Variants in DPYD observed in about 807,000 individuals in gnomAD.
The protein encoded by DPYD is dihydropyrimidine dehydrogenase, also known as dihydropyrimidine dehydrogenase [NADP(+)].
Under a neutral mutation model 116.2 loss-of-function variants are expected in DPYD, and 109 were observed. The ratio of observed to expected loss-of-function variants is 0.94; its 90% CI spans 0.80 to 1.10. DPYD has a LOEUF of 1.10. Ranked by LOEUF, DPYD falls within the 50% of genes least tolerant of loss-of-function variation. The probability of loss-of-function intolerance (pLI) is 0.00; values close to 1 mark genes in which losing one functional copy is unlikely to be tolerated. For synonymous variants in DPYD, 440 were observed against 432.0 expected (o/e 1.02, Z -0.23); for missense variants, 1,302 against 1,254.5 (o/e 1.04, Z -0.57).
intron 5 of DPYD, among the ~76,000 whole-genome samples, chr1:97,718,766 T>C (rs149265002): frequency 4.0e-5 from 6 of 151,886 alleles, no homozygotes; most frequent in African/African-American, 7.2e-5. Flanking sequence ...TTTCCAACAA[T>C]TCATTAATTA....
At position 97,797,752 on chromosome 1, in the gene DPYD, A is replaced by G. The variant is rs566017212; in HGVS notation, c.233+30362T>C. 2.6e-5 allele frequency: 4 copies of G among 152,182 alleles called. No individual in the cohort carries two copies. In the East Asian group the frequency reaches 7.7e-4, roughly 29 times the overall value. 9.4% of individuals were successfully genotyped at this position (152,182 alleles called of 1,614,324 possible). A position where few individuals can be genotyped will look rare whatever the true frequency, so the allele number is the denominator to read the frequency against. On this transcript the variant is annotated intron_variant, in intron 3 of 22. Transcript: ENST00000370192. ...CTAAACCAAGCATCATGAGGCCAGC[A>G]CTATTTTGCCATTTTTCAGAAAAAA...
chr1:97,285,418 G>A (rs12024830), intron 18 of DPYD, among the ~76,000 whole-genome samples: 47,096 of 151,884 alleles, frequency 0.31, 7,666 homozygotes, highest in Non-Finnish European at 0.35. Context: ...TTATCTATTC[G>A]TAGTTTAGAA....
rs1408261121 is a variant in DPYD at position 97,374,798 on chromosome 1, G to A, written c.1975-1154C>T. On this transcript the variant is annotated intron_variant, in intron 15 of 22. Coordinates refer to ENST00000370192, the MANE Select transcript of DPYD (RefSeq NM_000110.4). ...TGGCTCACAACTGTAATCCTAGCAC[G>A]GTGGGAGGATTGCCTGAGCTTAGGA... Among the ~76,000 whole-genome samples the A allele has an allele frequency of 4.0e-5, 6 of 149,738 alleles. No homozygotes were observed. In the East Asian group the frequency reaches 5.9e-4, roughly 15 times the overall value.
intron 4 of DPYD, among the ~76,000 whole-genome samples, chr1:97,723,643 G>A (rs1024468806): frequency 6.6e-6 from 1 of 151,584 alleles, no homozygotes; most frequent in African/African-American, 2.4e-5. Flanking sequence ...TTAATCAAGA[G>A]ATTAGGATCT....
chr1:97,329,658 C>T (rs6686712), intron 16 of DPYD, among the ~76,000 whole-genome samples: 34,538 of 149,384 alleles, frequency 0.23, 4,173 homozygotes, highest in Non-Finnish European at 0.28. Context: ...GAAGCTGATG[C>T]AAGAGAATCT....
intron 8 of DPYD, among the ~76,000 whole-genome samples, chr1:97,595,434 A>G (rs545047571): frequency 1.1e-4 from 17 of 152,188 alleles, no homozygotes; most frequent in African/African-American, 3.6e-4. Context: ...ATATACACAC[A>G]TAAACATATA....
chr1:97,480,207 G>C (rs2101878348), intron 13 of DPYD, among the ~76,000 whole-genome samples: 1 of 152,014 alleles, frequency 6.6e-6, no homozygotes, highest in East Asian at 1.9e-4. Flanking sequence ...AACAATCTCT[G>C]GATGACTGGT....
At chr1:97,730,401 T>G (rs985862142) in intron 4 of DPYD, among the ~76,000 whole-genome samples, 1 of 152,064 alleles carries the variant, frequency 6.6e-6, no homozygotes, top group Non-Finnish European at 1.5e-5. Flanking sequence ...TTTGCATTTT[T>G]TTAGTAGAGA....
intron 12 of DPYD, among the ~76,000 whole-genome samples, chr1:97,543,218 C>A (rs926660200): frequency 1.3e-5 from 2 of 152,126 alleles, no homozygotes; most frequent in Admixed American, 6.6e-5. Context: ...AGTGTTGGAA[C>A]TGGATCTGAT....
intron 16 of DPYD, among the ~76,000 whole-genome samples, chr1:97,355,663 G>C (rs1208010559): frequency 6.6e-6 from 1 of 152,036 alleles, no homozygotes; most frequent in East Asian, 1.9e-4. Flanking sequence ...GAGTCCACAT[G>C]TAAGAGAATA....
chr1:97,081,712 CTTTTCTTTTT>C (rs1352232867), intron 22 of DPYD, among the ~76,000 whole-genome samples: 242 of 138,572 alleles, frequency 1.7e-3, no homozygotes, highest in Middle Eastern at 0.017. Context: ...CTTTTCTTTT[CTTTTCTTTTT>C]TTTTTTTTTT....
At chr1:97,800,837 C>G (rs1453292775) in intron 3 of DPYD, among the ~76,000 whole-genome samples, 1 of 151,864 alleles carries the variant, frequency 6.6e-6, no homozygotes, top group Non-Finnish European at 1.5e-5. Flanking sequence ...TAACTTTCAT[C>G]TCTTCTGTTG....
At chr1:97,798,029 A>T (rs1482885030) in intron 3 of DPYD, 1 of 152,138 alleles carries the variant, frequency 6.6e-6, no homozygotes, top group Admixed American at 6.6e-5. Flanking sequence ...AGAAGAGTTA[A>T]GTCACAGACA....
intron 14 of DPYD, among the ~76,000 whole-genome samples, chr1:97,424,052 T>C (rs182704368): frequency 6.6e-6 from 1 of 152,240 alleles, no homozygotes; most frequent in Non-Finnish European, 1.5e-5. Flanking sequence ...TTTCTTAGTA[T>C]ATAATGGTAT....
chr1:97,254,211 T>C (rs1408212397), intron 18 of DPYD, among the ~76,000 whole-genome samples: 1 of 152,154 alleles, frequency 6.6e-6, no homozygotes, highest in Non-Finnish European at 1.5e-5. Flanking sequence ...CATTTTGCCT[T>C]CCTTCAATAA....
At chr1:97,521,502 C>A (rs1486864107) in intron 12 of DPYD, among the ~76,000 whole-genome samples, 2 of 152,086 alleles carry the variant, frequency 1.3e-5, no homozygotes, top group East Asian at 3.9e-4. Flanking sequence ...TTTACAGATT[C>A]AATGCTATCC....
intron 2 of DPYD, among the ~76,000 whole-genome samples, chr1:97,845,208 G>A (rs556562467): frequency 3.9e-5 from 6 of 152,304 alleles, no homozygotes; most frequent in African/African-American, 4.8e-5. Context: ...CATGAGGGCT[G>A]GACTGTCAGT....
At chr1:97,123,218 C>T (rs1208375663) in intron 20 of DPYD, among the ~76,000 whole-genome samples, 1 of 152,072 alleles carries the variant, frequency 6.6e-6, no homozygotes, top group African/African-American at 2.4e-5. Context: ...GGTATCTTTA[C>T]ATAGAAGAAA....
Position 97,733,652 on chromosome 1 carries a change from C to T in DPYD, c.321+6740G>A, listed in dbSNP as rs1663760705. On this transcript the variant is annotated intron_variant, in intron 4 of 22. Transcript: ENST00000370192. The stretch of plus-strand genomic sequence containing the variant: ...ATTACTTCAAACAATGCTATAATTG[C>T]TTTAAATAATATATTTGTATATGTG... 3.3e-5 allele frequency among the ~76,000 whole-genome samples: 5 copies of T among 151,902 alleles called. No individual in the cohort carries two copies. In the South Asian group the frequency reaches 1.0e-3, roughly 31 times the overall value.
Sources: allele counts gnomAD v4.1 joint callset (sites outside exome capture counted in the v4.1 genomes callset), GRCh38; gene constraint gnomAD v4.1.1; transcripts MANE v1.5; gene names NCBI Gene and HGNC (gene_info 2026-07-23, HGNC 2026-07-21).